GOLM2: variants seen among roughly 807,000 people sequenced by gnomAD.
GOLM2 encodes the protein protein GOLM2.
Under a neutral mutation model 55.9 loss-of-function variants are expected in GOLM2, and 26 were observed. That is an observed-to-expected ratio of 0.47 (90% CI 0.34 to 0.65). The LOEUF (loss-of-function observed/expected upper bound fraction) is 0.65, where lower values mean the gene tolerates loss of function less well. Among genes scored for constraint, GOLM2 ranks in the 30% least tolerant of loss-of-function variants. The pLI is 0.01. For synonymous variants in GOLM2, 165 were observed against 194.6 expected, an observed-to-expected ratio of 0.85 and a Z score of 1.27; for missense variants, 486 against 531.8, an observed-to-expected ratio of 0.91 and a Z score of 0.85.
At chr15:44,365,810 G>A (rs1281595038) in intron 6 of GOLM2, among the ~76,000 whole-genome samples, 1 of 152,264 alleles carries the variant, frequency 6.6e-6, no homozygotes, top group Admixed American at 6.5e-5. Context: ...ACAACACCAA[G>A]AATGAACCCT....
At chr15:44,387,045 T>TA (rs938258901) in intron 8 of GOLM2, among the ~76,000 whole-genome samples, 4 of 150,348 alleles carry the variant, frequency 2.7e-5, no homozygotes, top group Non-Finnish European at 5.9e-5. Flanking sequence ...TATGGTGGCA[T>TA]GCACCTGTAG....
At chr15:44,295,106 G>A (rs532850861) in intron 1 of GOLM2, among the ~76,000 whole-genome samples, 2 of 148,990 alleles carry the variant, frequency 1.3e-5, no homozygotes, top group Non-Finnish European at 3.0e-5. Context: ...CTGAGATGGA[G>A]CCTCACTCTG....
chr15:44,306,935 C>G (rs1429194462), intron 1 of GOLM2, among the ~76,000 whole-genome samples: 1 of 151,938 alleles, frequency 6.6e-6, no homozygotes, highest in Non-Finnish European at 1.5e-5. Flanking sequence ...TTGTGGTGCC[C>G]CCAATTATAA....
rs559930809 is a variant in GOLM2 at position 44,365,393 on chromosome 15, G to T, written c.803-14297G>T. Among the ~76,000 whole-genome samples the T allele has an allele frequency of 1.4e-4, 22 of 152,112 alleles. No homozygotes were observed. The South Asian group carries it at 4.4e-3, about 30-fold the overall frequency. ...AATACAAAAATTAGCTGGGTGTGGT[G>T]GTGTGTGACTGTAATCTCAGCTACC... On this transcript the variant is annotated intron_variant, in intron 6 of 9. Coordinates refer to ENST00000299957, the MANE Select transcript of GOLM2 (RefSeq NM_138423.4).
intron 4 of GOLM2, among the ~76,000 whole-genome samples, chr15:44,336,933 A>AT (rs996945474): frequency 1.3e-5 from 2 of 151,884 alleles, no homozygotes; most frequent in South Asian, 2.1e-4. Flanking sequence ...AATAATAATA[A>AT]AAAAAAATAT....
intron 6 of GOLM2, among the ~76,000 whole-genome samples, chr15:44,367,575 C>T (rs1304139589): frequency 1.3e-5 from 2 of 151,918 alleles, no homozygotes; most frequent in Admixed American, 1.3e-4. Context: ...GTGGGTGGAT[C>T]ATGAGGTCAA....
chr15:44,319,476 C>A (rs2141128086), intron 1 of GOLM2, among the ~76,000 whole-genome samples: 1 of 152,314 alleles, frequency 6.6e-6, no homozygotes, highest in Middle Eastern at 3.4e-3. Context: ...CTGCCTCAGC[C>A]TCCAAAATGC....
At chr15:44,391,605 AAAG>A (rs139678293) in intron 8 of GOLM2, among the ~76,000 whole-genome samples, 6,320 of 152,102 alleles carry the variant, frequency 0.042, 230 homozygotes, top group East Asian at 0.19. Flanking sequence ...AATGAAAAAA[AAAG>A]AACATCAATA....
chr15:44,393,023 A>G (rs1455472892), intron 8 of GOLM2, among the ~76,000 whole-genome samples: 1 of 152,208 alleles, frequency 6.6e-6, no homozygotes, highest in Non-Finnish European at 1.5e-5. Flanking sequence ...GTAGATTCTA[A>G]TCAATGAAAT....
intron 1 of GOLM2, among the ~76,000 whole-genome samples, chr15:44,319,038 C>T (rs974131702): frequency 1.3e-5 from 2 of 152,182 alleles, no homozygotes; most frequent in Non-Finnish European, 2.9e-5. Flanking sequence ...CTCCAGAAGC[C>T]TTCTCTCACT....
chr15:44,397,492 A>C (rs998950367), intron 8 of GOLM2, among the ~76,000 whole-genome samples: 9 of 148,882 alleles, frequency 6.0e-5, no homozygotes, highest in Admixed American at 2.0e-4. Context: ...AAAAAAAAAA[A>C]AAAAAAAAAA....
intron 8 of GOLM2, chr15:44,387,347 T>C (rs773202366): frequency 1.3e-4 from 20 of 152,258 alleles, no homozygotes; most frequent in Non-Finnish European, 2.9e-4. Context: ...TAGCTTTTAG[T>C]GCACAAGTCT....
intron 8 of GOLM2, among the ~76,000 whole-genome samples, chr15:44,394,247 A>G (rs1435350014): frequency 6.6e-6 from 1 of 152,226 alleles, no homozygotes; most frequent in Non-Finnish European, 1.5e-5. Flanking sequence ...AGTCCTGAAA[A>G]CAAAGCTTTC....
At chr15:44,408,467 T>C (rs915185996) in intron 9 of GOLM2, among the ~76,000 whole-genome samples, 8 of 152,232 alleles carry the variant, frequency 5.3e-5, no homozygotes, top group African/African-American at 1.7e-4. Flanking sequence ...ACTTCATATT[T>C]ATTGAGGACA....
chr15:44,315,189 A>G (rs995006416), intron 1 of GOLM2, among the ~76,000 whole-genome samples: 3 of 152,196 alleles, frequency 2.0e-5, no homozygotes, highest in Non-Finnish European at 4.4e-5. Context: ...CAGTTATGTT[A>G]CAGAAGATAG....
intron 9 of GOLM2, among the ~76,000 whole-genome samples, chr15:44,408,338 G>T (rs1358101114): frequency 6.6e-6 from 1 of 151,926 alleles, no homozygotes; most frequent in Non-Finnish European, 1.5e-5. Context: ...TTGAATTCTG[G>T]GTAGAATAGC....
At chr15:44,327,670 A>G (rs867585690) in intron 2 of GOLM2, among the ~76,000 whole-genome samples, 3 of 152,142 alleles carry the variant, frequency 2.0e-5, no homozygotes, top group Non-Finnish European at 4.4e-5. Context: ...AAAATCACCT[A>G]TCTGTGAAAT....
chr15:44,290,946 G>A (rs1030658878), intron 1 of GOLM2, among the ~76,000 whole-genome samples: 4 of 151,986 alleles, frequency 2.6e-5, no homozygotes, highest in Admixed American at 1.3e-4. Flanking sequence ...TGGGATTACA[G>A]GCATGCACCA....
intron 8 of GOLM2, among the ~76,000 whole-genome samples, chr15:44,401,769 A>T (rs2079566487): frequency 6.6e-6 from 1 of 150,880 alleles, no homozygotes; most frequent in African/African-American, 2.4e-5. Context: ...TTTATTTTCA[A>T]TGTCTAATTG....
Sources: allele counts gnomAD v4.1 joint callset (sites outside exome capture counted in the v4.1 genomes callset), GRCh38; gene constraint gnomAD v4.1.1; transcripts MANE v1.5; gene names NCBI Gene and HGNC (gene_info 2026-07-23, HGNC 2026-07-21).